Variants in ANK2 observed in about 807,000 individuals in gnomAD.
The protein encoded by ANK2 is ankyrin 2.
ANK2 carries 83 observed loss-of-function variants against 360.5 expected under a neutral mutation model. That is an observed-to-expected ratio of 0.23 (90% CI 0.19 to 0.28). The LOEUF (loss-of-function observed/expected upper bound fraction) is 0.28, where lower values mean the gene tolerates loss of function less well. ANK2 is among the 10% of genes least tolerant of loss of function. The pLI is 1.00. For missense variants in ANK2, 4,201 were observed against 4,795.7 expected (o/e 0.88, Z 3.66); for synonymous variants, 1,740 against 1,759.5 (o/e 0.99, Z 0.28).
chr4:112,850,330 T>C (rs58602988), intron 1 of ANK2, among the ~76,000 whole-genome samples: 15 of 63,488 alleles, frequency 2.4e-4, no homozygotes, highest in African/African-American at 6.1e-4. Context: ...TCCATTCATC[T>C]GTCCATCCAT....
At chr4:112,997,511 T>C (rs1460092313) in intron 2 of ANK2, among the ~76,000 whole-genome samples, 2 of 152,142 alleles carry the variant, frequency 1.3e-5, no homozygotes, top group Non-Finnish European at 2.9e-5. Context: ...GCAGAGGTGA[T>C]GCCTCCACAA....
Position 113,343,271 on chromosome 4 carries a change from G to A in ANK2, c.4248+129G>A, listed in dbSNP as rs762151585. 9.6e-5 allele frequency: 95 copies of A among 985,530 alleles called. 1 individual carries two copies. The highest frequency in any genetic ancestry group is 1.3e-4 in the Non-Finnish European group (85 of 671,966). The allele number at this position is 985,530 out of a possible 1,614,324, so 61.0% of individuals were successfully genotyped here. On this transcript the variant is annotated intron_variant, in intron 34 of 45. Transcript: ENST00000357077. Reference sequence around the variant, plus strand: ...TTTTCTTTTTAACCATATTTGTAACGTTTTACAGCCCTGGGAAACAAATCA... The same window carrying A: ...TTTTCTTTTTAACCATATTTGTAACATTTTACAGCCCTGGGAAACAAATCA...
chr4:113,370,103 C>T (rs1185563546), intron 43 of ANK2, among the ~76,000 whole-genome samples: 2 of 152,090 alleles, frequency 1.3e-5, no homozygotes, highest in African/African-American at 2.4e-5. Context: ...AGGAGCTTTT[C>T]AAAATTAGTA....
chr4:113,322,156 T>C (rs2086650295), intron 26 of ANK2, among the ~76,000 whole-genome samples: 1 of 152,256 alleles, frequency 6.6e-6, no homozygotes. Context: ...AGACACCGTT[T>C]CTACCAATAA....
chr4:113,223,346 G>T (rs1360486897), intron 4 of ANK2, among the ~76,000 whole-genome samples: 1 of 152,146 alleles, frequency 6.6e-6, no homozygotes, highest in African/African-American at 2.4e-5. Flanking sequence ...AAAAGATGGG[G>T]TGCTTCTTCA....
chr4:112,824,202 C>A (rs1339951394), intron 1 of ANK2, among the ~76,000 whole-genome samples: 1 of 151,362 alleles, frequency 6.6e-6, no homozygotes, highest in African/African-American at 2.4e-5. Context: ...TAGAGGGAGA[C>A]AGGGTCTTGT....
At chr4:113,045,551 G>T (rs1299535514), upstream of ANK2, among the ~76,000 whole-genome samples, 3 of 152,194 alleles carry the variant, frequency 2.0e-5, no homozygotes, top group African/African-American at 7.2e-5. Context: ...CTAACCTTGT[G>T]TGGTTATGAG....
intron 2 of ANK2, chr4:113,033,841 T>C (rs2154306399): frequency 6.6e-6 from 1 of 152,130 alleles, no homozygotes; most frequent in South Asian, 2.1e-4. Flanking sequence ...TCCTTCTACA[T>C]TGCCTCACTC....
intron 1 of ANK2, among the ~76,000 whole-genome samples, chr4:112,833,695 G>A (rs1183565113): frequency 6.6e-6 from 1 of 152,102 alleles, no homozygotes; most frequent in East Asian, 1.9e-4. Flanking sequence ...AGTAGAGACG[G>A]GGTTTCACCA....
rs2094122286 is a variant in ANK2 at position 113,340,320 on chromosome 4, C to T, written c.3893+998C>T. Reference sequence around the variant, plus strand: ...CAGATAAAAGTGAAAAAGAGAATAACATGAGCAAAGATGCAAAGATAGAAT... The same window carrying T: ...CAGATAAAAGTGAAAAAGAGAATAATATGAGCAAAGATGCAAAGATAGAAT... On this transcript the variant is annotated intron_variant, in intron 32 of 45. Coordinates refer to ENST00000357077, the MANE Select transcript of ANK2 (RefSeq NM_001148.6). 1.3e-5 allele frequency among the ~76,000 whole-genome samples: 2 copies of T among 152,172 alleles called. 1 individual carries two copies. Among genetic ancestry groups the T allele is most frequent in the South Asian group, 4.1e-4 (2 of 4,822 alleles).
intron 1 of ANK2, among the ~76,000 whole-genome samples, chr4:113,161,495 A>G (rs2097533439): frequency 6.6e-6 from 1 of 152,224 alleles, no homozygotes; most frequent in Non-Finnish European, 1.5e-5. Context: ...ATTCAAATTG[A>G]ATAGCCCAAA....
intron 2 of ANK2, among the ~76,000 whole-genome samples, chr4:113,010,374 A>C (rs574685317): frequency 6.6e-6 from 1 of 152,296 alleles, no homozygotes; most frequent in African/African-American, 2.4e-5. Flanking sequence ...TATTGGATTA[A>C]AAATATTTTA....
At chr4:112,924,031 A>G (rs1269388081) in intron 2 of ANK2, among the ~76,000 whole-genome samples, 1 of 152,224 alleles carries the variant, frequency 6.6e-6, no homozygotes, top group Admixed American at 6.5e-5. Context: ...AGATATACTG[A>G]CATTTTAAAA....
At chr4:113,321,952 G>C (rs1217892416) in intron 26 of ANK2, among the ~76,000 whole-genome samples, 1 of 152,088 alleles carries the variant, frequency 6.6e-6, no homozygotes, top group Non-Finnish European at 1.5e-5. Context: ...GGCTGGTCTG[G>C]AATACCTGAC....
At chr4:112,957,918 G>A (rs1415710375) in intron 2 of ANK2, among the ~76,000 whole-genome samples, 1 of 151,700 alleles carries the variant, frequency 6.6e-6, no homozygotes, top group African/African-American at 2.4e-5. Context: ...TCCCAGACGG[G>A]GTCGCGGCCA....
chr4:112,968,995 T>C (rs1196513436), intron 2 of ANK2, among the ~76,000 whole-genome samples: 1 of 152,238 alleles, frequency 6.6e-6, no homozygotes, highest in Non-Finnish European at 1.5e-5. Context: ...ATTATTCAGC[T>C]AGCCCTGTGT....
chr4:113,088,568 C>G (rs1434491353), intron 1 of ANK2, among the ~76,000 whole-genome samples: 1 of 151,876 alleles, frequency 6.6e-6, no homozygotes, highest in African/African-American at 2.4e-5. Context: ...GCTTGAAAAC[C>G]TGAGAATATT....
Position 113,330,271 on chromosome 4 carries a change from G to T in ANK2, c.2926G>T (p.Ala976Ser), listed in dbSNP as rs977347770. The T allele has an allele frequency of 6.8e-6, 11 of 1,614,114 alleles. No homozygotes were observed. The highest frequency in any genetic ancestry group is 9.3e-6 in the Non-Finnish European group (11 of 1,179,998). The stretch of plus-strand genomic sequence containing the variant: ...TTTCCTGGTTAGTTTTATGGTGGAT[G>T]CCCGAGGTGGTGCTATGCGAGGATG... The part of the protein sequence containing the change: ...SGFLVSFMVD[A>S]RGGAMRGCRH... The change falls in exon 27 of 46, where the codon GCC becomes TCC. Residue 976 changes from alanine to serine, a missense_variant. By Grantham distance (99) the Ala-to-Ser change is moderately conservative (BLOSUM62 1). Coordinates refer to ENST00000357077, the MANE Select transcript of ANK2 (RefSeq NM_001148.6).
At chr4:112,771,144 C>A in the ANK2 span, among the ~76,000 whole-genome samples, 1 of 152,266 alleles carries the variant, frequency 6.6e-6, no homozygotes, top group South Asian at 2.1e-4. Flanking sequence ...TGGAGTTTCA[C>A]TCTTGTTGCC....
Sources: allele counts gnomAD v4.1 joint callset (sites outside exome capture counted in the v4.1 genomes callset), GRCh38; gene constraint gnomAD v4.1.1; transcripts MANE v1.5; gene names NCBI Gene and HGNC (gene_info 2026-07-23, HGNC 2026-07-21).